The following SAMTOR variants were observed in gnomAD, a reference collection of about 807,000 sequenced individuals.
SAMTOR encodes UPF0532 protein C7orf60.
At chr7:112,907,842 C>CTTACTTATTTATTTAT in the SAMTOR span, among the ~76,000 whole-genome samples, 231 of 146,430 alleles carry the variant, frequency 1.6e-3, 1 homozygote, top group African/African-American at 4.5e-3. Flanking sequence ...TTCTTACTTA[C>CTTACTTATTTATTTAT]TTATTTATTT....
chr7:112,819,737 C>T, the SAMTOR span: 2 of 152,468 alleles, frequency 1.3e-5, no homozygotes, highest in African/African-American at 2.4e-5. Flanking sequence ...ATTTATAGCA[C>T]CAACATTTTC....
chr7:112,845,760 T>C, the SAMTOR span, among the ~76,000 whole-genome samples: 1 of 152,100 alleles, frequency 6.6e-6, no homozygotes, highest in Non-Finnish European at 1.5e-5. Context: ...TACAAATCAT[T>C]TTACCATAAA....
chr7:112,871,454 A>G, the SAMTOR span, among the ~76,000 whole-genome samples: 1 of 148,984 alleles, frequency 6.7e-6, no homozygotes, highest in East Asian at 1.9e-4. Context: ...GGCATAAATC[A>G]AAAACTATTT....
chr7:112,857,129 G>A, the SAMTOR span, among the ~76,000 whole-genome samples: 1 of 134,256 alleles, frequency 7.4e-6, no homozygotes, highest in South Asian at 2.2e-4. Context: ...CTGTCGCCCA[G>A]GCCGGACTGC....
At chr7:112,937,030 T>C in the SAMTOR span, among the ~76,000 whole-genome samples, 1 of 152,204 alleles carries the variant, frequency 6.6e-6, no homozygotes, top group Non-Finnish European at 1.5e-5. Context: ...GTTATTTTAA[T>C]ATTTTTAGGA....
chr7:112,907,498 T>C, the SAMTOR span, among the ~76,000 whole-genome samples: 1 of 151,880 alleles, frequency 6.6e-6, no homozygotes, highest in Non-Finnish European at 1.5e-5. Context: ...GACTGATACA[T>C]CTAACTACAC....
At chr7:112,922,326 C>T in the SAMTOR span, among the ~76,000 whole-genome samples, 2 of 152,192 alleles carry the variant, frequency 1.3e-5, 1 homozygote. Flanking sequence ...CTCCCAGCTG[C>T]CTGCCTTGGC....
At chr7:112,878,186 T>G in the SAMTOR span, among the ~76,000 whole-genome samples, 1 of 152,156 alleles carries the variant, frequency 6.6e-6, no homozygotes, top group Admixed American at 6.5e-5. Flanking sequence ...TTTTTACTGC[T>G]TCATCCATGA....
the SAMTOR span, among the ~76,000 whole-genome samples, chr7:112,933,479 C>T: frequency 2.6e-4 from 40 of 152,208 alleles, no homozygotes; most frequent in Non-Finnish European, 5.0e-4. Flanking sequence ...AGTGGTGCAG[C>T]GAGACTACCT....
chr7:112,836,006 TG>T, the SAMTOR span, among the ~76,000 whole-genome samples: 1 of 152,116 alleles, frequency 6.6e-6, no homozygotes, highest in African/African-American at 2.4e-5. Context: ...TACCCAATAA[TG>T]GGGGATTGCT....
the SAMTOR span, among the ~76,000 whole-genome samples, chr7:112,921,825 A>G: frequency 7.3e-6 from 1 of 136,664 alleles, no homozygotes; most frequent in East Asian, 2.2e-4. Context: ...GCAGCCAAAA[A>G]ACACATGAAA....
the SAMTOR span, among the ~76,000 whole-genome samples, chr7:112,881,326 C>T: frequency 2.6e-5 from 4 of 152,138 alleles, no homozygotes; most frequent in Admixed American, 6.5e-5. Flanking sequence ...GACATGAAGC[C>T]CCACCTTCAA....
At chr7:112,851,854 C>T in the SAMTOR span, among the ~76,000 whole-genome samples, 5 of 152,256 alleles carry the variant, frequency 3.3e-5, no homozygotes. Context: ...CATGAACAGA[C>T]ATTCTTCCAA....
chr7:112,918,787 C>G, the SAMTOR span, among the ~76,000 whole-genome samples: 2 of 152,022 alleles, frequency 1.3e-5, no homozygotes, highest in African/African-American at 4.8e-5. Context: ...AAAAAGGCAG[C>G]AGGTGCAATC....
chr7:112,887,435 A>G, the SAMTOR span, among the ~76,000 whole-genome samples: 4 of 152,088 alleles, frequency 2.6e-5, no homozygotes, highest in African/African-American at 9.7e-5. Context: ...TCAGTGTCTT[A>G]AACTTCATTC....
At chr7:112,826,484 T>C in the SAMTOR span, among the ~76,000 whole-genome samples, 1 of 152,198 alleles carries the variant, frequency 6.6e-6, no homozygotes, top group Non-Finnish European at 1.5e-5. Context: ...ACTTTTAATG[T>C]TGGTAAAATC....
the SAMTOR span, chr7:112,939,474 G>C: frequency 6.8e-7 from 1 of 1,478,604 alleles, no homozygotes; most frequent in Non-Finnish European, 9.1e-7. Context: ...GCAGCGGCTG[G>C]GGGGACGTGC....
chr7:112,830,118 C>G, the SAMTOR span, among the ~76,000 whole-genome samples: 1 of 152,046 alleles, frequency 6.6e-6, no homozygotes, highest in Non-Finnish European at 1.5e-5. Flanking sequence ...ACAGAATCAC[C>G]TGAACTCTGC....
the SAMTOR span, among the ~76,000 whole-genome samples, chr7:112,933,403 C>T: frequency 6.6e-6 from 1 of 152,064 alleles, no homozygotes; most frequent in African/African-American, 2.4e-5. Context: ...TGTGTCAAAA[C>T]TATCAATGAA....
Sources: allele counts gnomAD v4.1 joint callset (sites outside exome capture counted in the v4.1 genomes callset), GRCh38; gene constraint gnomAD v4.1.1; transcripts MANE v1.5; gene names NCBI Gene and HGNC (gene_info 2026-07-23, HGNC 2026-07-21).